Variants in BABAM2 observed in about 807,000 individuals in gnomAD.
BABAM2 encodes BRISC and BRCA1-A complex member 2.
Under a neutral mutation model 54.7 loss-of-function variants are expected in BABAM2, and 31 were observed. The ratio of observed to expected loss-of-function variants is 0.57; its 90% CI spans 0.43 to 0.77. The LOEUF is 0.77. Among genes scored for constraint, BABAM2 ranks in the 30% least tolerant of loss-of-function variants. The pLI is 0.00. For missense variants in BABAM2, 364 were observed against 455.8 expected (o/e 0.80, Z 1.83); for synonymous variants, 167 against 162.9 (o/e 1.03, Z -0.19).
At chr2:28,241,702 C>A (rs977032484) in intron 9 of BABAM2, among the ~76,000 whole-genome samples, 3 of 151,886 alleles carry the variant, frequency 2.0e-5, no homozygotes, top group Non-Finnish European at 4.4e-5. Context: ...ACCATGTTGT[C>A]CAGGCTGGTC....
chr2:28,060,576 CTA>C (rs1366770859), intron 6 of BABAM2, among the ~76,000 whole-genome samples: 1 of 152,042 alleles, frequency 6.6e-6, no homozygotes, highest in African/African-American at 2.4e-5. Flanking sequence ...ATATTGTTGA[CTA>C]TGTCAAAAAG....
At chr2:27,964,271 G>A (rs1414482438) in intron 3 of BABAM2, among the ~76,000 whole-genome samples, 2 of 152,122 alleles carry the variant, frequency 1.3e-5, no homozygotes, top group East Asian at 1.9e-4. Context: ...ACACTTGACC[G>A]CTCAAACTTG....
At chr2:28,141,845 G>A (rs1477981223) in intron 7 of BABAM2, among the ~76,000 whole-genome samples, 3 of 152,272 alleles carry the variant, frequency 2.0e-5, no homozygotes, top group Middle Eastern at 3.4e-3. Context: ...GAATATCAAT[G>A]TGGATGGGGG....
At chr2:28,040,062 C>A (rs1676950636) in intron 5 of BABAM2, among the ~76,000 whole-genome samples, 1 of 152,018 alleles carries the variant, frequency 6.6e-6, no homozygotes, top group Non-Finnish European at 1.5e-5. Flanking sequence ...GACATTACAA[C>A]TGAGTGACCA....
At chr2:27,924,629 CTG>C (rs1367149957) in intron 2 of BABAM2, among the ~76,000 whole-genome samples, 7 of 152,214 alleles carry the variant, frequency 4.6e-5, no homozygotes, top group Non-Finnish European at 1.5e-5. Context: ...GGTGATCTGC[CTG>C]CCTCAGCCTC....
At chr2:28,000,633 G>A (rs892844762) in intron 4 of BABAM2, among the ~76,000 whole-genome samples, 1 of 152,078 alleles carries the variant, frequency 6.6e-6, no homozygotes, top group Non-Finnish European at 1.5e-5. Context: ...CCCTCTTTGA[G>A]GGCAGTATCT....
chr2:27,937,930 T>C (rs1668605071), intron 3 of BABAM2, among the ~76,000 whole-genome samples: 1 of 152,248 alleles, frequency 6.6e-6, no homozygotes, highest in Admixed American at 6.5e-5. Flanking sequence ...AGTAGTTTCA[T>C]AGTTTCCGAT....
chr2:28,292,065 T>A (rs1687326551), intron 10 of BABAM2, among the ~76,000 whole-genome samples: 2 of 145,476 alleles, frequency 1.4e-5, no homozygotes, highest in Admixed American at 1.4e-4. Context: ...AACTGGAGCA[T>A]CCTGAGAGGA....
intron 6 of BABAM2, among the ~76,000 whole-genome samples, chr2:28,061,278 T>A (rs1220241950): frequency 1.3e-5 from 2 of 151,746 alleles, no homozygotes; most frequent in Non-Finnish European, 2.9e-5. Context: ...CAATTGGATA[T>A]CTATATTTAA....
intron 5 of BABAM2, among the ~76,000 whole-genome samples, chr2:28,026,969 T>TATAAATATATAAATATATATAA (rs1456002020): frequency 1.2e-5 from 1 of 82,400 alleles, no homozygotes; most frequent in African/African-American, 6.2e-5. Context: ...AATATATATA[T>TATAAATATATAAATATATATAA]AAATATATAA....
intron 2 of BABAM2, among the ~76,000 whole-genome samples, chr2:27,911,708 T>A (rs1666613296): frequency 6.6e-6 from 1 of 152,158 alleles, no homozygotes; most frequent in Admixed American, 6.5e-5. Context: ...AGTTCATCCA[T>A]TTCTCTCTCT....
intron 2 of BABAM2, among the ~76,000 whole-genome samples, chr2:27,916,725 CAGATCCTATGCATTCTT>C: frequency 6.6e-6 from 1 of 152,300 alleles, no homozygotes; most frequent in South Asian, 2.1e-4. Flanking sequence ...CTCACTTGGC[CAGATCCTATGCATTCTT>C]AGAGGCCAGT....
chr2:27,948,491 C>A (rs1250626553), intron 3 of BABAM2, among the ~76,000 whole-genome samples: 1 of 152,188 alleles, frequency 6.6e-6, no homozygotes, highest in Admixed American at 6.5e-5. Context: ...AGTGTTAAGG[C>A]TGGGTGTGGT....
intron 3 of BABAM2, among the ~76,000 whole-genome samples, chr2:27,932,074 A>G (rs1668136005): frequency 6.6e-6 from 1 of 152,136 alleles, no homozygotes; most frequent in South Asian, 2.1e-4. Flanking sequence ...TGTAGAATCT[A>G]TGTATCGTAG....
At position 28,025,205 on chromosome 2, in the gene BABAM2, T is replaced by C. The variant is rs748730963; in HGVS notation, c.301-21T>C. 3 of 1,560,682 alleles carry C rather than the reference T, an allele frequency of 1.9e-6. No homozygotes were observed. The South Asian group carries it at 3.7e-5, about 19-fold the overall frequency. On this transcript the variant is annotated intron_variant, in intron 4 of 11. Coordinates refer to ENST00000379624, the MANE Select transcript of BABAM2 (RefSeq NM_199191.3). The stretch of plus-strand genomic sequence containing the variant: ...GAAATTTCAGTTTTAACTGGTCTTT[T>C]ATTTGTTACGACTTCTACAGAATCT...
chr2:28,291,954 T>C (rs1172201462), intron 10 of BABAM2, among the ~76,000 whole-genome samples: 1 of 152,192 alleles, frequency 6.6e-6, no homozygotes, highest in Non-Finnish European at 1.5e-5. Flanking sequence ...AGTATACAGA[T>C]TGCTCTCAGG....
chr2:28,266,792 A>G (rs761645632), intron 10 of BABAM2, among the ~76,000 whole-genome samples: 2 of 152,236 alleles, frequency 1.3e-5, no homozygotes, highest in Admixed American at 1.3e-4. Flanking sequence ...CATATTTACC[A>G]TATAAGTCTT....
chr2:28,311,910 T>C (rs895830970), intron 11 of BABAM2, among the ~76,000 whole-genome samples: 1 of 152,236 alleles, frequency 6.6e-6, no homozygotes, highest in Non-Finnish European at 1.5e-5. Flanking sequence ...AACACTTCAG[T>C]TGCAGAACGT....
chr2:27,890,622 T>A, upstream of BABAM2: 5 of 346,162 alleles, frequency 1.4e-5, no homozygotes, highest in Non-Finnish European at 5.3e-6. This position sits in a 1 kb window ranked among gnomAD's most constrained non-coding sequence, Gnocchi z 4.8. Flanking sequence ...GAAGGAACTG[T>A]CAGGCACCGC....
Sources: gnomAD v4.1 joint callset for allele counts (sites outside exome capture counted in the v4.1 genomes callset) on GRCh38, gnomAD v4.1.1 for gene constraint, Gnocchi (gnomAD v3.1) non-coding constraint, MANE v1.5 for transcripts, NCBI Gene and HGNC (gene_info 2026-07-23, HGNC 2026-07-21) for gene names.